ITFG1: variants seen among roughly 807,000 people sequenced by gnomAD.
ITFG1 encodes T-cell immunomodulatory protein.
Under a neutral mutation model 81.8 loss-of-function variants are expected in ITFG1, and 34 were observed. The ratio of observed to expected loss-of-function variants is 0.42; its 90% CI spans 0.32 to 0.55. The LOEUF (loss-of-function observed/expected upper bound fraction) is 0.55, where lower values mean the gene tolerates loss of function less well. Ranked by LOEUF, ITFG1 falls within the 20% of genes least tolerant of loss-of-function variation. ITFG1 has a pLI of 0.17. For missense variants in ITFG1, 672 were observed against 755.4 expected (o/e 0.89, Z 1.29); for synonymous variants, 285 against 270.6 (o/e 1.05, Z -0.52).
At chr16:47,303,442 C>A (rs1301645357) in intron 10 of ITFG1, among the ~76,000 whole-genome samples, 1 of 152,154 alleles carries the variant, frequency 6.6e-6, no homozygotes, top group Non-Finnish European at 1.5e-5. Flanking sequence ...TAAAAACTCA[C>A]ATACACAACA....
At chr16:47,460,368 CAAG>C (rs1424170751) in intron 1 of ITFG1, among the ~76,000 whole-genome samples, 2 of 152,104 alleles carry the variant, frequency 1.3e-5, no homozygotes, top group African/African-American at 2.4e-5. Flanking sequence ...GGTGGGGAGG[CAAG>C]AAGAAGCCCC....
At chr16:47,278,003 A>T (rs1966415899) in intron 10 of ITFG1, among the ~76,000 whole-genome samples, 1 of 152,224 alleles carries the variant, frequency 6.6e-6, no homozygotes, top group Admixed American at 6.6e-5. Flanking sequence ...TATATAAAAT[A>T]TAAGGCAGAA....
chr16:47,429,254 T>C (rs1225741044), intron 5 of ITFG1, among the ~76,000 whole-genome samples: 1 of 152,226 alleles, frequency 6.6e-6, no homozygotes, highest in Admixed American at 6.5e-5. Flanking sequence ...AGAATAATGT[T>C]TTCAAGTTCA....
chr16:47,431,088 G>A (rs75514913), intron 5 of ITFG1, among the ~76,000 whole-genome samples: 6,632 of 152,312 alleles, frequency 0.044, 205 homozygotes, highest in Middle Eastern at 0.092. Context: ...AAAAGGTTAC[G>A]TACTGGAGAA....
At chr16:47,225,138 A>G (rs144023539) in intron 13 of ITFG1, among the ~76,000 whole-genome samples, 79 of 152,348 alleles carry the variant, frequency 5.2e-4, no homozygotes, top group African/African-American at 1.8e-3. Context: ...CTACAATACA[A>G]TAACTGAAAT....
At chr16:47,237,460 A>C (rs1470212278) in intron 13 of ITFG1, among the ~76,000 whole-genome samples, 1 of 152,220 alleles carries the variant, frequency 6.6e-6, no homozygotes, top group Non-Finnish European at 1.5e-5. Flanking sequence ...TTCTTATTAC[A>C]GTTTACATGA....
intron 7 of ITFG1, among the ~76,000 whole-genome samples, chr16:47,368,678 A>G (rs1448886414): frequency 2.0e-5 from 3 of 152,104 alleles, no homozygotes; most frequent in African/African-American, 7.2e-5. Flanking sequence ...TCTATGAGAT[A>G]AAGCTGAATA....
intron 12 of ITFG1, among the ~76,000 whole-genome samples, chr16:47,253,062 G>T (rs1429786945): frequency 1.3e-5 from 2 of 151,964 alleles, no homozygotes; most frequent in African/African-American, 4.8e-5. Flanking sequence ...CACCAAATTG[G>T]CTATCTATGG....
chr16:47,258,374 A>C (rs1292019334), intron 12 of ITFG1, among the ~76,000 whole-genome samples: 1 of 152,260 alleles, frequency 6.6e-6, no homozygotes, highest in Non-Finnish European at 1.5e-5. Flanking sequence ...GAACTGGTCC[A>C]GATTGAAGAA....
intron 14 of ITFG1, among the ~76,000 whole-genome samples, chr16:47,174,959 A>G (rs949024210): frequency 1.3e-5 from 2 of 152,242 alleles, no homozygotes; most frequent in Non-Finnish European, 2.9e-5. Context: ...CAGATAATCA[A>G]TATTTTGTGT....
At chr16:47,274,647 T>C (rs1379179971) in intron 10 of ITFG1, among the ~76,000 whole-genome samples, 4 of 152,194 alleles carry the variant, frequency 2.6e-5, no homozygotes, top group Non-Finnish European at 5.9e-5. Context: ...ATTATAATGG[T>C]AGCTTTAAAA....
At chr16:47,240,147 A>AT (rs1965916847) in intron 12 of ITFG1, among the ~76,000 whole-genome samples, 1 of 151,134 alleles carries the variant, frequency 6.6e-6, no homozygotes, top group Non-Finnish European at 1.5e-5. Flanking sequence ...AAAAAAAAAA[A>AT]TTAGCCAGAT....
At chr16:47,444,544 G>A (rs778615619) in intron 5 of ITFG1, among the ~76,000 whole-genome samples, 59 of 152,114 alleles carry the variant, frequency 3.9e-4, no homozygotes, top group Non-Finnish European at 7.8e-4. Flanking sequence ...AAGCCAACAT[G>A]TAAATTTATA....
At chr16:47,371,849 G>A (rs1968258496) in intron 7 of ITFG1, among the ~76,000 whole-genome samples, 1 of 151,710 alleles carries the variant, frequency 6.6e-6, no homozygotes, top group African/African-American at 2.4e-5. Context: ...TCAAAATGGT[G>A]ATGTGCCAAC....
chr16:47,175,912 G>A (rs1047185818), intron 14 of ITFG1, among the ~76,000 whole-genome samples: 4 of 152,106 alleles, frequency 2.6e-5, no homozygotes, highest in African/African-American at 7.2e-5. Flanking sequence ...CACTGTGCCC[G>A]GCTAATGTTT....
chr16:47,310,149 A>G (rs1271453439), intron 10 of ITFG1, among the ~76,000 whole-genome samples: 1 of 152,342 alleles, frequency 6.6e-6, no homozygotes, highest in East Asian at 1.9e-4. Context: ...TTTCAAACCA[A>G]CGTGCTTAGG....
chr16:47,352,898 C>A (rs552221212), intron 8 of ITFG1, among the ~76,000 whole-genome samples: 1 of 152,068 alleles, frequency 6.6e-6, no homozygotes, highest in African/African-American at 2.4e-5. Context: ...ATGAGTTCAT[C>A]TCCTTTGTAG....
chr16:47,405,598 G>A (rs1035479315), intron 6 of ITFG1, among the ~76,000 whole-genome samples: 1 of 152,198 alleles, frequency 6.6e-6, no homozygotes, highest in Non-Finnish European at 1.5e-5. Context: ...GCTCCATGGA[G>A]AAGCTGCTGA....
chr16:47,252,060 G>A (rs1249955889), intron 12 of ITFG1, among the ~76,000 whole-genome samples: 1 of 152,096 alleles, frequency 6.6e-6, no homozygotes, highest in Non-Finnish European at 1.5e-5. Flanking sequence ...AGACATACTA[G>A]TACTCAGAAA....
Sources: allele counts gnomAD v4.1 joint callset (sites outside exome capture counted in the v4.1 genomes callset), GRCh38; gene constraint gnomAD v4.1.1; transcripts MANE v1.5; gene names NCBI Gene and HGNC (gene_info 2026-07-23, HGNC 2026-07-21).